WNT9B: variants seen among roughly 807,000 people sequenced by gnomAD.
WNT9B encodes the protein Wnt family member 9B.
In WNT9B, 12 loss-of-function variants were observed where a neutral mutation model predicts 30.2. The observed-to-expected ratio is 0.40, with a 90% CI of 0.26 to 0.64. The LOEUF is 0.64. WNT9B is among the 30% of genes least tolerant of loss of function. WNT9B has a pLI of 0.42. For missense variants in WNT9B, 442 were observed against 485.2 expected (o/e 0.91, Z 0.84); for synonymous variants, 218 against 216.9 (o/e 1.01, Z -0.05).
chr17:46,847,995 T>TGTGTGTGTGTGC (rs746347823), upstream of WNT9B, among the ~76,000 whole-genome samples: 4 of 149,424 alleles, frequency 2.7e-5, no homozygotes, highest in African/African-American at 9.9e-5. Flanking sequence ...TGTGTGTGTG[T>TGTGTGTGTGTGC]GCACGTGCAT....
upstream of WNT9B, among the ~76,000 whole-genome samples, chr17:46,851,124 G>A (rs955229706): frequency 6.6e-6 from 1 of 152,138 alleles, no homozygotes; most frequent in African/African-American, 2.4e-5. The surrounding 1 kb of genome is among the most constrained non-coding windows in gnomAD (Gnocchi z 4.3). Flanking sequence ...CTGCGGCGAA[G>A]AGACCGCACT....
At chr17:46,876,150 C>T (rs1248464144) in intron 3 of WNT9B, 95 bp from the exon 4 acceptor site, 10 of 1,218,428 alleles carry the variant, frequency 8.2e-6, no homozygotes, top group Non-Finnish European at 1.0e-5. Flanking sequence ...TTCCCATTCT[C>T]CTGCCTCTGC....
Position 46,877,468 on chromosome 17 carries a change from C to T in WNT9B, c.*750C>T, listed in dbSNP as rs1255068768. Among the ~76,000 whole-genome samples, 1 of 152,192 alleles carries T rather than the reference C, an allele frequency of 6.6e-6. No individual in the cohort carries two copies. The highest frequency in any genetic ancestry group is 6.5e-5 in the Admixed American group (1 of 15,278). Reference sequence around the variant, plus strand: ...ACCCAGCCGTGCTCAAAACTACCACCAGTGCAGGTAAGACAGGTGGGAGAA... The same window carrying T: ...ACCCAGCCGTGCTCAAAACTACCACTAGTGCAGGTAAGACAGGTGGGAGAA... On this transcript the variant is annotated 3_prime_UTR_variant, in exon 4 of 4. Transcript: ENST00000290015.
At chr17:46,885,686 A>G (rs555098755) in exon 5 of WNT9B, 2 of 152,318 alleles carry the variant, frequency 1.3e-5, no homozygotes, top group East Asian at 3.9e-4. Flanking sequence ...TGAATGAACA[A>G]ATGAATTTAT....
In WNT9B at chr17:46,851,844, C is replaced by T. The variant is rs547103165; in HGVS notation, c.77+129C>T. The T allele has an allele frequency of 9.1e-5, 39 of 428,210 alleles. No homozygotes were observed. Among genetic ancestry groups the T allele is most frequent in the African/African-American group, 7.9e-4 (38 of 48,338 alleles). 26.5% of individuals were successfully genotyped at this position (428,210 alleles called of 1,614,324 possible). On this transcript the variant is annotated intron_variant, in intron 1 of 3. Transcript: ENST00000290015. This position sits in a 1 kb window ranked among gnomAD's most constrained non-coding sequence, Gnocchi z 4.3. Reference sequence around the variant, plus strand: ...GAGGTCTCGAACTCAGACCCTAGCCCGGCGCGACCCAACCCACTTCGCAGT... The same window carrying T: ...GAGGTCTCGAACTCAGACCCTAGCCTGGCGCGACCCAACCCACTTCGCAGT...
Position 46,875,045 on chromosome 17 carries a change from TCCTTTCCTCTCTTCCC to T in WNT9B, c.335-46_335-31del, listed in dbSNP as rs774950239. The T allele has an allele frequency of 3.1e-6, 5 of 1,613,114 alleles. No homozygotes were observed. In the African/African-American group the frequency reaches 6.7e-5, roughly 22 times the overall value. ...GGCGGCAGGCAACCTCTAAGCTTCC[TCCTTTCCTCTCTTCCC>T]CCTTTCCTCCCTCCCTATGCCCCTG... On this transcript the variant is annotated intron_variant, in intron 2 of 3. Coordinates refer to ENST00000290015, the MANE Select transcript of WNT9B (RefSeq NM_003396.3).
intron 1 of WNT9B, among the ~76,000 whole-genome samples, chr17:46,863,784 T>A (rs1445804989): frequency 6.6e-6 from 1 of 152,126 alleles, no homozygotes; most frequent in Non-Finnish European, 1.5e-5. Context: ...GTCCCCTTTC[T>A]CCAGCCCTGG....
rs2085345504 is a variant in WNT9B at position 46,876,352 on chromosome 17, G to C, written c.708G>C (p.Gln236His). The change falls in exon 4 of 4, where the codon CAG becomes CAC. Residue 236 changes from glutamine (Q) to histidine (H), a missense_variant. By Grantham distance (24) the Gln-to-His change is conservative. Coordinates refer to ENST00000290015, the MANE Select transcript of WNT9B (RefSeq NM_003396.3). ...KQLSPFRETG[Q>H]VLKLRYDSAV... ...TCTCCCCGTTCCGTGAGACGGGCCA[G>C]GTGCTGAAACTGCGCTATGACTCGG... 1.2e-6 allele frequency: 2 copies of C among 1,614,124 alleles called. No homozygotes were observed. Among genetic ancestry groups the C allele is most frequent in the Non-Finnish European group, 1.7e-6 (2 of 1,180,048 alleles).
Position 46,876,937 on chromosome 17 carries a change from G to C in WNT9B, c.*219G>C, listed in dbSNP as rs1000095636. 29 of 1,328,496 alleles carry C rather than the reference G, an allele frequency of 2.2e-5. No individual in the cohort carries two copies. Among genetic ancestry groups the C allele is most frequent in the Non-Finnish European group, 2.6e-5 (27 of 1,042,512 alleles). The allele number at this position is 1,328,496 out of a possible 1,614,324, so 82.3% of individuals were successfully genotyped here. A position where few individuals can be genotyped will look rare whatever the true frequency, so the allele number is the denominator to read the frequency against. ...AGCAAAGCCTCCTCCCTTAACCCAA[G>C]CATCCCCAACCTTGTTGAGGACTTG... On this transcript the variant is annotated 3_prime_UTR_variant, in exon 4 of 4. Transcript: ENST00000290015.
At chr17:46,871,828 T>C (rs953416913) in intron 1 of WNT9B, among the ~76,000 whole-genome samples, 1 of 152,236 alleles carries the variant, frequency 6.6e-6, no homozygotes, top group Non-Finnish European at 1.5e-5. Flanking sequence ...CATCAGTCCT[T>C]CCTTCCTTCC....
At chr17:46,842,175 G>C (rs879445156) in intron 1 of WNT9B, among the ~76,000 whole-genome samples, 3 of 152,324 alleles carry the variant, frequency 2.0e-5, no homozygotes, top group Admixed American at 6.5e-5. Flanking sequence ...TTAGGTCCTT[G>C]GGCAGGCCAC....
chr17:46,876,776 G>A lies in WNT9B; in HGVS notation c.*58G>A. ...CAGGACCTCCTGTGGCACCCTTCAA[G>A]CTGCCCAGCCGGCCCTCTGGGCAGA... is the stretch of plus-strand genomic sequence containing the variant. On this transcript the variant is annotated 3_prime_UTR_variant, in exon 4 of 4. Transcript: ENST00000290015. 1 of 1,483,188 alleles carries A rather than the reference G, an allele frequency of 6.7e-7. No individual in the cohort carries two copies. Among genetic ancestry groups the A allele is most frequent in the South Asian group, 1.4e-5 (1 of 72,240 alleles). The allele number at this position is 1,483,188 out of a possible 1,614,324, so 91.9% of individuals were successfully genotyped here. A position where few individuals can be genotyped will look rare whatever the true frequency, so the allele number is the denominator to read the frequency against.
rs1210739651 is a variant in WNT9B at position 46,878,466 on chromosome 17, G to T, written c.*1748G>T. Among the ~76,000 whole-genome samples the T allele has an allele frequency of 6.6e-6, 1 of 152,192 alleles. No homozygotes were observed. Among genetic ancestry groups the T allele is most frequent in the East Asian group, 1.9e-4 (1 of 5,204 alleles). On this transcript the variant is annotated 3_prime_UTR_variant, in exon 4 of 4. Transcript: ENST00000290015. Reference sequence around the variant, plus strand: ...AAGGATTTTTGACTGCAGAGGCCCGGCTGAGAAGCCAAACTGACCTGAGCC... The same window carrying T: ...AAGGATTTTTGACTGCAGAGGCCCGTCTGAGAAGCCAAACTGACCTGAGCC...
Position 46,862,068 on chromosome 17 carries a change from C to A in WNT9B, c.77+10353C>A, listed in dbSNP as rs2085047384. ...ATCCCAGCTACTTGGGAGGCTGAGG[C>A]AAGAGAATTGCTTGAACCTGGGAGG... is the stretch of plus-strand genomic sequence containing the variant. On this transcript the variant is annotated intron_variant, in intron 1 of 3. Transcript: ENST00000290015. 2.0e-5 allele frequency among the ~76,000 whole-genome samples: 3 copies of A among 148,558 alleles called. 1 individual carries two copies. In the South Asian group the frequency reaches 6.3e-4, roughly 31 times the overall value.
chr17:46,868,434 A>T (rs368333277), intron 1 of WNT9B, among the ~76,000 whole-genome samples: 2 of 152,034 alleles, frequency 1.3e-5, no homozygotes, highest in South Asian at 4.2e-4. Flanking sequence ...TCTACTAAAA[A>T]TACACAAAAA....
exon 5 of WNT9B, chr17:46,886,676 G>A (rs2085492494): frequency 6.6e-6 from 1 of 152,174 alleles, no homozygotes; most frequent in Admixed American, 6.5e-5. Flanking sequence ...AATAAGCTGT[G>A]GTTCGGAGGG....
At chr17:46,845,090 C>G (rs1229891977) in intron 1 of WNT9B, among the ~76,000 whole-genome samples, 1 of 152,174 alleles carries the variant, frequency 6.6e-6, no homozygotes, top group Non-Finnish European at 1.5e-5. Flanking sequence ...CTCAGGTGAT[C>G]CACTCGCCTC....
At chr17:46,843,075 T>G (rs1002768251) in intron 1 of WNT9B, among the ~76,000 whole-genome samples, 2 of 152,242 alleles carry the variant, frequency 1.3e-5, no homozygotes, top group Non-Finnish European at 2.9e-5. Flanking sequence ...CAGGCCACAT[T>G]AGACACTGAA....
At chr17:46,842,141 A>G (rs2084723037) in intron 1 of WNT9B, among the ~76,000 whole-genome samples, 1 of 152,214 alleles carries the variant, frequency 6.6e-6, no homozygotes, top group Non-Finnish European at 1.5e-5. Context: ...CTCTGGGATT[A>G]AAGGCTTGGG....
Sources: allele counts gnomAD v4.1 joint callset (sites outside exome capture counted in the v4.1 genomes callset), GRCh38; gene constraint gnomAD v4.1.1; non-coding constraint Gnocchi (gnomAD v3.1); transcripts MANE v1.5; gene names NCBI Gene and HGNC (gene_info 2026-07-23, HGNC 2026-07-21).